Variants in ANK3 observed in about 807,000 individuals in gnomAD.
The protein encoded by ANK3 is ankyrin 3.
Under a neutral mutation model 370.9 loss-of-function variants are expected in ANK3, and 57 were observed. The observed-to-expected ratio is 0.15, with a 90% confidence interval of 0.12 to 0.19. The LOEUF (loss-of-function observed/expected upper bound fraction) is 0.19, where lower values mean the gene tolerates loss of function less well. Among genes scored for constraint, ANK3 ranks in the 10% least tolerant of loss-of-function variants. The pLI, the probability that ANK3 is intolerant of heterozygous loss-of-function variation, is 1.00. For missense variants in ANK3, 4,439 were observed against 5,302.1 expected, an observed-to-expected ratio of 0.84 and a Z score of 5.06; for synonymous variants, 1,929 against 1,946.3, an observed-to-expected ratio of 0.99 and a Z score of 0.23.
At chr10:60,668,777 A>G (rs2079030267) in intron 1 of ANK3, among the ~76,000 whole-genome samples, 1 of 152,112 alleles carries the variant, frequency 6.6e-6, no homozygotes, top group South Asian at 2.1e-4. Flanking sequence ...GTGGATCACA[A>G]GGTCAGGAGT....
chr10:60,227,033 A>T (rs1036411729), intron 8 of ANK3, among the ~76,000 whole-genome samples: 13 of 151,674 alleles, frequency 8.6e-5, no homozygotes, highest in African/African-American at 3.1e-4. Context: ...TCTTTTTGGT[A>T]TCATTTCCCT....
Position 60,615,121 on chromosome 10 carries a change from T to C in ANK3, c.96+65A>G, listed in dbSNP as rs374581809. ...AATTCATTCAACTCTATGTTTATAA[T>C]TGTAAGAAGAAACTTGTCCACACAA... is the stretch of plus-strand genomic sequence containing the variant. On this transcript the variant is annotated intron_variant, in intron 2 of 43. Transcript: ENST00000373827. 59 of 1,070,746 alleles carry C rather than the reference T, an allele frequency of 5.5e-5. No individual in the cohort carries two copies. In the African/African-American group the frequency reaches 6.6e-4, roughly 12 times the overall value. The allele number at this position is 1,070,746 out of a possible 1,614,324, so 66.3% of individuals were successfully genotyped here.
intron 2 of ANK3, among the ~76,000 whole-genome samples, chr10:60,436,881 T>C (rs758200169): frequency 6.6e-6 from 1 of 152,218 alleles, no homozygotes; most frequent in African/African-American, 2.4e-5. Context: ...TCCACAAATA[T>C]TGTGGTGGAT....
chr10:60,287,224 C>T (rs2040219417), intron 1 of ANK3, among the ~76,000 whole-genome samples: 1 of 152,070 alleles, frequency 6.6e-6, no homozygotes, highest in African/African-American at 2.4e-5. Flanking sequence ...TCTCTACAGG[C>T]CTCTTACTTT....
intron 8 of ANK3, among the ~76,000 whole-genome samples, chr10:60,226,794 T>A (rs2097171407): frequency 6.8e-6 from 1 of 147,322 alleles, no homozygotes; most frequent in South Asian, 2.1e-4. Context: ...TACCACTTTA[T>A]GTATAACAAG....
intron 2 of ANK3, among the ~76,000 whole-genome samples, chr10:60,560,885 C>T (rs2077320333): frequency 6.6e-6 from 1 of 152,034 alleles, no homozygotes. Flanking sequence ...AATAGACCAC[C>T]GTGGTTCAAC....
chr10:60,646,798 C>T (rs570043793), intron 1 of ANK3, among the ~76,000 whole-genome samples: 1 of 152,178 alleles, frequency 6.6e-6, no homozygotes, highest in South Asian at 2.1e-4. Context: ...TGCTATAAGC[C>T]AAGAGACCCC....
rs1177284384 is a variant in ANK3 at position 60,469,248 on chromosome 10, A to AGT, written c.96+145936_96+145937dup. On this transcript the variant is annotated intron_variant, in intron 2 of 43. Transcript: ENST00000373827. ...ATATATATATATATATACCACTTTTAGTGTGTGTATATATATATATATACC... is the reference window on the plus strand; with the variant it reads ...ATATATATATATATATACCACTTTTAGTGTGTGTGTATATATATATATATACC... Among the ~76,000 whole-genome samples, 42 of 5,990 alleles carry AGT rather than the reference A, an allele frequency of 7.0e-3. 4 individuals are homozygous for AGT. The highest frequency in any genetic ancestry group is 0.014 in the Non-Finnish European group (37 of 2,678). 3.9% of individuals were successfully genotyped at this position (5,990 alleles called of 152,430 possible).
At chr10:60,467,742 A>AT (rs942877910) in intron 2 of ANK3, among the ~76,000 whole-genome samples, 2 of 152,092 alleles carry the variant, frequency 1.3e-5, no homozygotes, top group Non-Finnish European at 2.9e-5. Context: ...TACTTAAACT[A>AT]TTTTTTCAGA....
At chr10:60,161,604 G>A (rs2095502035) in intron 23 of ANK3, among the ~76,000 whole-genome samples, 1 of 152,082 alleles carries the variant, frequency 6.6e-6, no homozygotes, top group Non-Finnish European at 1.5e-5. Flanking sequence ...GGATGGAATT[G>A]GAGACATTAT....
At position 60,240,304 on chromosome 10, in the gene ANK3, A is replaced by ATTTTTTT. The variant is rs1305756045; in HGVS notation, c.799-5519_799-5518insAAAAAAA. On this transcript the variant is annotated intron_variant, in intron 7 of 43. Coordinates refer to ENST00000280772, the MANE Select transcript of ANK3 (RefSeq NM_020987.5). ...CACATATATATATATATATATATAT[A>ATTTTTTT]TATTTTTTTTTCTTTTTGAGATAGA... Among the ~76,000 whole-genome samples, 172 of 87,624 alleles carry ATTTTTTT rather than the reference A, an allele frequency of 2.0e-3. 6 individuals are homozygous for ATTTTTTT. The highest frequency in any genetic ancestry group is 0.018 in the East Asian group (57 of 3,144). 57.5% of individuals were successfully genotyped at this position (87,624 alleles called of 152,430 possible).
At chr10:60,383,025 C>G (rs889320875) in intron 1 of ANK3, among the ~76,000 whole-genome samples, 11 of 151,844 alleles carry the variant, frequency 7.2e-5, no homozygotes, top group Non-Finnish European at 1.3e-4. Context: ...AGAATTCACC[C>G]TGGATGTCCA....
At chr10:60,560,331 T>A (rs972002320) in intron 2 of ANK3, among the ~76,000 whole-genome samples, 1 of 152,162 alleles carries the variant, frequency 6.6e-6, no homozygotes, top group Admixed American at 6.5e-5. Flanking sequence ...CAAAATTCTA[T>A]GAAAGACAGT....
chr10:60,390,934 T>C (rs974294217), upstream of ANK3, among the ~76,000 whole-genome samples: 2 of 152,130 alleles, frequency 1.3e-5, no homozygotes, highest in African/African-American at 2.4e-5. Flanking sequence ...CAGCACCAAG[T>C]CCAATGCATC....
intron 2 of ANK3, among the ~76,000 whole-genome samples, chr10:60,602,590 A>G (rs2078079174): frequency 6.6e-6 from 1 of 152,142 alleles, no homozygotes; most frequent in African/African-American, 2.4e-5. Flanking sequence ...CCATGTAATC[A>G]GAGGTTCTTA....
intron 8 of ANK3, among the ~76,000 whole-genome samples, chr10:60,217,490 G>C (rs2096959054): frequency 1.3e-5 from 2 of 152,068 alleles, no homozygotes; most frequent in South Asian, 4.1e-4. Context: ...AGAACTTCTT[G>C]ATTTCTGCCT....
intron 2 of ANK3, among the ~76,000 whole-genome samples, chr10:60,440,551 C>A (rs532646936): frequency 4.6e-5 from 7 of 152,220 alleles, no homozygotes; most frequent in Non-Finnish European, 2.9e-5. Flanking sequence ...CCATGATCCT[C>A]TCACCTCCCA....
intron 2 of ANK3, among the ~76,000 whole-genome samples, chr10:60,509,747 T>C (rs1290087297): frequency 6.6e-6 from 1 of 152,176 alleles, no homozygotes. Context: ...CAGTCTTTGG[T>C]AGAAATAAAA....
intron 8 of ANK3, among the ~76,000 whole-genome samples, chr10:60,232,083 C>T (rs530996530): frequency 2.0e-5 from 3 of 152,270 alleles, no homozygotes; most frequent in Admixed American, 2.0e-4. Context: ...CCCTGTGACC[C>T]TCTATGCCCT....
Sources: allele counts gnomAD v4.1 joint callset (sites outside exome capture counted in the v4.1 genomes callset), GRCh38; gene constraint gnomAD v4.1.1; transcripts MANE v1.5; gene names NCBI Gene and HGNC (gene_info 2026-07-23, HGNC 2026-07-21).